GPR137: variants seen among roughly 807,000 people sequenced by gnomAD.
GPR137 encodes the protein integral membrane protein GPR137.
Under a neutral mutation model 38.9 loss-of-function variants are expected in GPR137, and 20 were observed. The ratio of observed to expected loss-of-function variants is 0.51; its 90% confidence interval spans 0.36 to 0.75. GPR137 has a LOEUF of 0.75. GPR137 is among the 30% of genes least tolerant of loss of function. GPR137 has a pLI of 0.00. For synonymous variants in GPR137, 226 were observed against 235.8 expected, an observed-to-expected ratio of 0.96 and a Z score of 0.38; for missense variants, 456 against 526.4, an observed-to-expected ratio of 0.87 and a Z score of 1.31.
chr11:64,271,526 CG>C, upstream of GPR137: 1 of 1,298,240 alleles, frequency 7.7e-7, no homozygotes, highest in Non-Finnish European at 9.9e-7. Context: ...ACTCCAGATC[CG>C]GGCGTGCCTT....
At chr11:64,281,598 C>G (rs2033475328), upstream of GPR137, among the ~76,000 whole-genome samples, 1 of 152,198 alleles carries the variant, frequency 6.6e-6, no homozygotes, top group Admixed American at 6.5e-5. Flanking sequence ...ACCATCTGCC[C>G]TTCTCTCTGC....
At position 64,287,808 on chromosome 11, in the gene GPR137, G is replaced by A; in HGVS notation, c.495G>A (p.Arg165=). 6.2e-7 allele frequency: 1 copy of A among 1,607,196 alleles called. No homozygotes were observed. Among genetic ancestry groups the A allele is most frequent in the Non-Finnish European group, 8.5e-7 (1 of 1,179,904 alleles). ...VLCAVLSHRR[R]AQPWALLLVR... is the part of the protein sequence containing the mutation. ...GTGCTGTGCTCTCCCATCGGCGCCG[G>A]GCACAGCCCTGGGCCCTGCTGCTTG... Residue 165 remains arginine, a synonymous_variant, in exon 3 of 7, where the codon CGG becomes CGA. Coordinates refer to ENST00000438980, the MANE Select transcript of GPR137 (RefSeq NM_001170880.2).
At chr11:64,272,560 T>G (rs2032717089), upstream of GPR137, among the ~76,000 whole-genome samples, 1 of 152,202 alleles carries the variant, frequency 6.6e-6, no homozygotes, top group African/African-American at 2.4e-5. Context: ...GAGCCTTCTC[T>G]GGAGACAGTG....
rs982634524 is a variant in GPR137, at chr11:64,288,891, C to T, written c.1032-146C>T. On this transcript the variant is annotated intron_variant, in intron 6 of 6. Transcript: ENST00000438980. This position sits in a 1 kb window ranked among gnomAD's most constrained non-coding sequence, Gnocchi z 5.5. ...CCCTGGGTTCCTATTGCTAAAGCCT[C>T]CACCTCTTGCCTAGAGATGTACTTT... The T allele has an allele frequency of 1.5e-4, 223 of 1,439,740 alleles. 1 individual carries two copies. Among genetic ancestry groups the T allele is most frequent in the Non-Finnish European group, 1.8e-4 (197 of 1,101,836 alleles). The allele number at this position is 1,439,740 out of a possible 1,614,324, so 89.2% of individuals were successfully genotyped here. A position where few individuals can be genotyped will look rare whatever the true frequency, so the allele number is the denominator to read the frequency against.
chr11:64,270,694 T>C (rs950244365), upstream of GPR137: 2 of 522,134 alleles, frequency 3.8e-6, no homozygotes, highest in East Asian at 5.1e-5. Context: ...CTTTGGGAGG[T>C]TGAAGCGGGA....
At chr11:64,277,203 G>A (rs750917209) in intron 2 of GPR137, among the ~76,000 whole-genome samples, 10 of 152,138 alleles carry the variant, frequency 6.6e-5, no homozygotes, top group African/African-American at 9.7e-5. Flanking sequence ...ACCACATGCC[G>A]ACCACACACA....
chr11:64,273,774 C>T (rs768199252), upstream of GPR137, among the ~76,000 whole-genome samples: 39 of 133,088 alleles, frequency 2.9e-4, no homozygotes, highest in Admixed American at 6.5e-4. Flanking sequence ...CCCAGCTACT[C>T]GGGAGGCTGA....
In GPR137 at chr11:64,285,941, C is replaced by T. The variant is rs1259758200; in HGVS notation, c.-584C>T. 8.3e-6 allele frequency: 8 copies of T among 964,332 alleles called. No homozygotes were observed. Among genetic ancestry groups the T allele is most frequent in the African/African-American group, 1.8e-5 (1 of 56,830 alleles). 59.7% of individuals were successfully genotyped at this position (964,332 alleles called of 1,614,324 possible). ...CCTGAGGACCTGGCGTCCGCCTCCT[C>T]CCTCCCCTTGAGGCTGGAGCGTGGA... On this transcript the variant is annotated 5_prime_UTR_variant, in exon 1 of 7. Coordinates refer to ENST00000438980, the MANE Select transcript of GPR137 (RefSeq NM_001170880.2).
Position 64,288,477 on chromosome 11 carries a change from C to T in GPR137, c.912+9C>T, listed in dbSNP as rs1407210783. 1 of 1,613,080 alleles carries T rather than the reference C, an allele frequency of 6.2e-7. No homozygotes were observed. Among genetic ancestry groups the T allele is most frequent in the African/African-American group, 1.3e-5 (1 of 74,944 alleles). On this transcript the variant is annotated intron_variant, in intron 5 of 6. Transcript: ENST00000438980. This position sits in a 1 kb window ranked among gnomAD's most constrained non-coding sequence, Gnocchi z 5.5. ...GGCCCCCACAGGACCTGGTAAGGGT[C>T]TGCTCCCTCTTCTGTGGGGCCAGTG... is the stretch of plus-strand genomic sequence containing the variant.
upstream of GPR137, chr11:64,285,831 C>CGGAGGG (rs1168794521): frequency 1.9e-5 from 19 of 985,082 alleles, no homozygotes; most frequent in African/African-American, 3.3e-4. Flanking sequence ...CGCGCAGGCG[C>CGGAGGG]GGAGGGGGAG....
At chr11:64,285,832 G>A (rs759338888), upstream of GPR137, 251 of 985,176 alleles carry the variant, frequency 2.5e-4, 1 homozygote, top group Middle Eastern at 5.2e-4. Context: ...GCGCAGGCGC[G>A]GAGGGGGAGG....
upstream of GPR137, chr11:64,271,563 G>C (rs771769781): frequency 7.0e-5 from 95 of 1,364,374 alleles, no homozygotes; most frequent in South Asian, 2.2e-4. Flanking sequence ...CAGACCGGCG[G>C]GGGGCGGCCT....
upstream of GPR137, chr11:64,285,418 G>C: frequency 1.0e-6 from 1 of 984,610 alleles, no homozygotes; most frequent in Non-Finnish European, 1.2e-6. Flanking sequence ...CGAGGGGCGG[G>C]CCCGCGCGGG....
upstream of GPR137, among the ~76,000 whole-genome samples, chr11:64,281,827 T>C (rs2033496787): frequency 6.6e-6 from 1 of 152,206 alleles, no homozygotes; most frequent in Non-Finnish European, 1.5e-5. Context: ...TTCAAGCGAT[T>C]CTCCTGCCTC....
At position 64,287,851 on chromosome 11, in the gene GPR137, GAC is replaced by G; in HGVS notation, c.539_540del (p.Asp180ValfsTer25). 1 of 1,605,406 alleles carries G rather than the reference GAC, an allele frequency of 6.2e-7. No individual in the cohort carries two copies. The highest frequency in any genetic ancestry group is 1.1e-5 in the South Asian group (1 of 91,082). ...ALLLVRVLVS[D>X]SLFVICALSL... Reference sequence around the variant, plus strand: ...GCTGCTTGTCCGCGTCCTGGTGAGCGACTCCCTGTTCGTCATCTGCGCGCTGT... The same window carrying G: ...GCTGCTTGTCCGCGTCCTGGTGAGCGTCCCTGTTCGTCATCTGCGCGCTGT... On this transcript the variant is annotated frameshift_variant, in exon 3 of 7. Coordinates refer to ENST00000438980, the MANE Select transcript of GPR137 (RefSeq NM_001170880.2). LOFTEE classifies it high-confidence loss of function.
chr11:64,280,813 G>A (rs573705641), upstream of GPR137, among the ~76,000 whole-genome samples: 9 of 150,896 alleles, frequency 6.0e-5, no homozygotes, highest in Admixed American at 2.0e-4. Flanking sequence ...GATTACAGGC[G>A]CCCACCACCA....
At position 64,287,788 on chromosome 11, in the gene GPR137, G is replaced by T; in HGVS notation, c.475G>T (p.Val159Leu). 6.2e-7 allele frequency: 1 copy of T among 1,607,566 alleles called. No homozygotes were observed. The change falls in exon 3 of 7, where the codon GTG (valine) becomes TTG (leucine). Residue 159 changes from valine (V) to leucine (L), a missense_variant. Coordinates refer to ENST00000438980, the MANE Select transcript of GPR137 (RefSeq NM_001170880.2). Reference protein sequence around the residue: ...LFLLVNVLCAVLSHRRRAQPW... With the variant: ...LFLLVNVLCALLSHRRRAQPW... ...TCTGCTGGTGAACGTGCTGTGTGCT[G>T]TGCTCTCCCATCGGCGCCGGGCACA...
chr11:64,278,446 C>G lies in GPR137; in HGVS notation c.-16+2025C>G, dbSNP rs548589357. ...CAATGGCAGTTCTAATAATAAGAGC[C>G]GCAAACACTTAGCCCCTCCTCTGCG... On this transcript the variant is annotated intron_variant, in intron 2 of 2. Coordinates refer to the GPR137 transcript ENST00000538244. Among the ~76,000 whole-genome samples the G allele has an allele frequency of 9.1e-4, 137 of 150,992 alleles. 4 individuals carry two copies. In the South Asian group the frequency reaches 0.026, roughly 28 times the overall value.
rs2034452884 is a variant in GPR137, at chr11:64,288,816, C to T, written c.1031+95C>T. 1.4e-6 allele frequency: 2 copies of T among 1,451,206 alleles called. No homozygotes were observed. Among genetic ancestry groups the T allele is most frequent in the Non-Finnish European group, 1.8e-6 (2 of 1,106,640 alleles). The allele number at this position is 1,451,206 out of a possible 1,614,324, so 89.9% of individuals were successfully genotyped here. A position where few individuals can be genotyped will look rare whatever the true frequency, so the allele number is the denominator to read the frequency against. On this transcript the variant is annotated intron_variant, in intron 6 of 6. Transcript: ENST00000438980. This position sits in a 1 kb window ranked among gnomAD's most constrained non-coding sequence, Gnocchi z 5.5. ...GGGGACCGAGATAGCCGGGTCTTGC[C>T]TTCCACCCCTGCCATGGCCTTTGCT... is the stretch of plus-strand genomic sequence containing the variant.
Sources: allele counts gnomAD v4.1 joint callset (sites outside exome capture counted in the v4.1 genomes callset), GRCh38; gene constraint gnomAD v4.1.1; non-coding constraint Gnocchi (gnomAD v3.1); transcripts MANE v1.5; gene names NCBI Gene and HGNC (gene_info 2026-07-23, HGNC 2026-07-21).